MTMR1: variants seen among roughly 807,000 people sequenced by gnomAD.
MTMR1 encodes the protein phosphatidylinositol-3-phosphate phosphatase MTMR1.
In MTMR1, 17 loss-of-function variants were observed where a neutral mutation model predicts 51.6. The ratio of observed to expected loss-of-function variants is 0.33; its 90% CI spans 0.23 to 0.49. The LOEUF (loss-of-function observed/expected upper bound fraction) is 0.49. Among genes scored for constraint, MTMR1 ranks in the 20% least tolerant of loss-of-function variants. MTMR1 has a pLI of 0.99. For synonymous variants in MTMR1, 201 were observed against 205.6 expected, an observed-to-expected ratio of 0.98 and a Z score of 0.19; for missense variants, 386 against 526.9, an observed-to-expected ratio of 0.73 and a Z score of 2.62.
chrX:150,754,847 A>AT (rs112127821), intron 14 of MTMR1, among the ~76,000 whole-genome samples: 1,818 of 110,681 alleles, frequency 0.016, 49 homozygotes, highest in African/African-American at 0.057. Context: ...AACACAGTGA[A>AT]TCCCCATCTC....
intron 14 of MTMR1, among the ~76,000 whole-genome samples, chrX:150,751,711 G>A (rs1178185937): frequency 3.7e-5 from 4 of 109,315 alleles, no homozygotes; most frequent in Middle Eastern, 4.3e-3. Context: ...ACTTTGTCTC[G>A]CCTCAGGGAC....
intron 2 of MTMR1, among the ~76,000 whole-genome samples, chrX:150,707,485 T>G (rs958912721): frequency 3.6e-5 from 4 of 112,296 alleles, no homozygotes; most frequent in Admixed American, 9.4e-5. Flanking sequence ...TGAAAAGACG[T>G]TCAACATCAT....
intron 12 of MTMR1, among the ~76,000 whole-genome samples, chrX:150,743,041 T>A (rs1428086300): frequency 9.1e-6 from 1 of 110,429 alleles, no homozygotes; most frequent in Non-Finnish European, 1.9e-5. Context: ...ATTAACAAGT[T>A]CTAGAAATGG....
chrX:150,694,052 G>C (rs1186923605), intron 1 of MTMR1, among the ~76,000 whole-genome samples: 1 of 111,568 alleles, frequency 9.0e-6, no homozygotes, highest in African/African-American at 3.3e-5. Context: ...ATCCCACCCG[G>C]GCTCTCCTCT....
chrX:150,750,930 G>A (rs1164807338), intron 14 of MTMR1, 87 bp downstream of exon 14: 1 of 1,024,436 alleles, frequency 9.8e-7, no homozygotes, highest in Non-Finnish European at 1.3e-6. Context: ...GCTGAGGGGA[G>A]GGAGGACTGC....
intron 1 of MTMR1, among the ~76,000 whole-genome samples, chrX:150,694,982 T>C (rs1376799793): frequency 2.7e-5 from 3 of 112,435 alleles, no homozygotes; most frequent in African/African-American, 9.7e-5. Context: ...CCCCCAAATA[T>C]GCCTCATCTT....
chrX:150,725,114 A>AT (rs2041885277), intron 4 of MTMR1, among the ~76,000 whole-genome samples: 1 of 111,888 alleles, frequency 8.9e-6, no homozygotes, highest in Admixed American at 9.4e-5. Flanking sequence ...TGGGAATGTC[A>AT]TTGGTAGTTT....
At chrX:150,721,470 G>T (rs2041744687) in intron 4 of MTMR1, among the ~76,000 whole-genome samples, 1 of 111,667 alleles carries the variant, frequency 9.0e-6, no homozygotes, top group African/African-American at 3.3e-5. Flanking sequence ...TTATATGACT[G>T]TTTAGACTGT....
In MTMR1 at chrX:150,765,074, T is replaced by TTTAA. The variant is rs2043262207; in HGVS notation, c.*2348_*2351dup. ...ATGTAAAGTAACTAACTTTATGTGA[T>TTTAA]TTAATTCATTCAGTAAATTGTAAAT... On this transcript the variant is annotated 3_prime_UTR_variant, in exon 16 of 16. Coordinates refer to ENST00000445323, the MANE Select transcript of MTMR1 (RefSeq NM_001306144.3). 1 of 111,526 alleles carries TTTAA rather than the reference T, an allele frequency of 9.0e-6. No individual in the cohort carries two copies. Among genetic ancestry groups the TTTAA allele is most frequent in the East Asian group, 2.8e-4 (1 of 3,601 alleles). The allele number at this position is 111,526 out of a possible 1,213,427, so 9.2% of individuals were successfully genotyped here.
intron 13 of MTMR1, among the ~76,000 whole-genome samples, chrX:150,746,583 A>G (rs2042581250): frequency 8.9e-6 from 1 of 112,866 alleles, no homozygotes; most frequent in Admixed American, 9.4e-5. Flanking sequence ...CAGTGCTTCT[A>G]AAGGGATGAG....
At chrX:150,718,519 A>G (rs1347190360) in intron 3 of MTMR1, 106 bp from the exon 4 acceptor site, 3 of 980,053 alleles carry the variant, frequency 3.1e-6, no homozygotes, top group Non-Finnish European at 4.0e-6. Flanking sequence ...CCTTATAGTG[A>G]CATCACAGAA....
In MTMR1 at chrX:150,705,409, A is replaced by T. The variant is rs185988213; in HGVS notation, c.252+6109A>T. ...ATGAGAGAAATCCCTTCAAATTCAC[A>T]CAAAGACACATTATAGTCAAATTTC... On this transcript the variant is annotated intron_variant, in intron 2 of 15. Coordinates refer to ENST00000445323, the MANE Select transcript of MTMR1 (RefSeq NM_001306144.3). Among the ~76,000 whole-genome samples, 290 of 112,363 alleles carry T rather than the reference A, an allele frequency of 2.6e-3. 2 individuals carry two copies. The highest frequency in any genetic ancestry group is 4.7e-3 in the Non-Finnish European group (252 of 53,249).
At chrX:150,752,599 A>T (rs1227334399) in intron 14 of MTMR1, among the ~76,000 whole-genome samples, 1 of 107,202 alleles carries the variant, frequency 9.3e-6, no homozygotes, top group African/African-American at 3.4e-5. Context: ...GTTCATATAT[A>T]GAATTTTAAC....
intron 2 of MTMR1, among the ~76,000 whole-genome samples, chrX:150,701,189 T>C (rs2040893697): frequency 8.9e-6 from 1 of 112,160 alleles, no homozygotes; most frequent in African/African-American, 3.2e-5. Context: ...GTTGTTACAC[T>C]TTCTTCAAGG....
chrX:150,714,920 G>A (rs1168539887), intron 3 of MTMR1, among the ~76,000 whole-genome samples: 1 of 111,534 alleles, frequency 9.0e-6, no homozygotes, highest in Non-Finnish European at 1.9e-5. Context: ...CACAGTACCT[G>A]GTACCATGTA....
chrX:150,731,499 C>G lies in MTMR1; in HGVS notation c.771C>G (p.Ser257=). 1 of 1,198,130 alleles carries G rather than the reference C, an allele frequency of 8.3e-7. No individual in the cohort carries two copies. Among genetic ancestry groups the G allele is most frequent in the South Asian group, 1.8e-5 (1 of 54,168 alleles). The part of the protein sequence containing the change: ...QGLPNESWKI[S]KINSNYEFCD... Reference sequence around the variant, plus strand: ...TGCCAAATGAGAGTTGGAAAATATCCAAAATAAACAGTAATTATGAGTTCT... The same window carrying G: ...TGCCAAATGAGAGTTGGAAAATATCGAAAATAAACAGTAATTATGAGTTCT... Residue 257 remains serine, a synonymous_variant, in exon 9 of 16, where the codon TCC becomes TCG. Coordinates refer to ENST00000445323, the MANE Select transcript of MTMR1 (RefSeq NM_001306144.3).
intron 6 of MTMR1, 93 bp from the exon 7 acceptor site, chrX:150,730,015 TA>T (rs782006836): frequency 5.7e-4 from 281 of 495,808 alleles, no homozygotes; most frequent in South Asian, 1.0e-3. Context: ...AGAAATGAAT[TA>T]AAAAAAAATA....
intron 2 of MTMR1, among the ~76,000 whole-genome samples, chrX:150,705,770 A>G (rs10856257): frequency 0.27 from 29,591 of 111,139 alleles, 3,122 homozygotes; most frequent in South Asian, 0.51. Context: ...GGAAGGAAGA[A>G]AGAACACAGT....
chrX:150,702,399 C>T (rs1200473348), intron 2 of MTMR1, among the ~76,000 whole-genome samples: 1 of 111,849 alleles, frequency 8.9e-6, no homozygotes, highest in Non-Finnish European at 1.9e-5. Flanking sequence ...AAAACCTAGG[C>T]TTCCTGAGTT....
Sources: gnomAD v4.1 joint callset for allele counts (sites outside exome capture counted in the v4.1 genomes callset) on GRCh38, gnomAD v4.1.1 for gene constraint, MANE v1.5 for transcripts, NCBI Gene and HGNC (gene_info 2026-07-23, HGNC 2026-07-21) for gene names.